BCKDHB: variants seen among roughly 807,000 people sequenced by gnomAD.
BCKDHB encodes branched chain keto acid dehydrogenase E1 subunit beta.
A neutral mutation model predicts 48.5 loss-of-function variants in BCKDHB; 41 were observed. That is an observed-to-expected ratio of 0.85 (90% CI 0.66 to 1.10). The LOEUF is 1.10. Ranked by LOEUF, BCKDHB falls within the 50% of genes least tolerant of loss-of-function variation. The pLI is 0.00. For missense variants in BCKDHB, 496 were observed against 494.2 expected, an observed-to-expected ratio of 1.00 and a Z score of -0.03; for synonymous variants, 201 against 174.8, an observed-to-expected ratio of 1.15 and a Z score of -1.18.
chr6:80,454,015 A>T, the BCKDHB span: 1 of 152,200 alleles, frequency 6.6e-6, no homozygotes, highest in African/African-American at 2.4e-5. Flanking sequence ...GAGCCCTGTG[A>T]CATGAGCATT....
At chr6:80,227,522 G>A (rs928245255) in intron 8 of BCKDHB, among the ~76,000 whole-genome samples, 1 of 152,142 alleles carries the variant, frequency 6.6e-6, no homozygotes, top group African/African-American at 2.4e-5. Flanking sequence ...TTGGGTTCCA[G>A]TTTACATAAA....
At chr6:80,365,675 G>C in the BCKDHB span, among the ~76,000 whole-genome samples, 2 of 152,142 alleles carry the variant, frequency 1.3e-5, no homozygotes, top group Admixed American at 6.5e-5. Flanking sequence ...CAATCAATTT[G>C]TACAGTTAAC....
intron 9 of BCKDHB, among the ~76,000 whole-genome samples, chr6:80,297,032 T>G (rs1185029389): frequency 1.3e-5 from 2 of 152,168 alleles, no homozygotes; most frequent in East Asian, 3.9e-4. Context: ...ATGAAAACCT[T>G]GGTAAGAGAT....
chr6:80,214,242 C>A (rs1313715658), intron 8 of BCKDHB, among the ~76,000 whole-genome samples: 1 of 152,138 alleles, frequency 6.6e-6, no homozygotes, highest in Admixed American at 6.5e-5. Context: ...TTTGCATTTG[C>A]ACCTGGGTGT....
chr6:80,384,486 G>A, the BCKDHB span, among the ~76,000 whole-genome samples: 7 of 152,154 alleles, frequency 4.6e-5, no homozygotes, highest in South Asian at 2.1e-4. Flanking sequence ...AGCCTCATGA[G>A]TAGGTGGGAC....
chr6:80,295,102 T>C (rs941454109), intron 9 of BCKDHB, among the ~76,000 whole-genome samples: 8 of 152,174 alleles, frequency 5.3e-5, no homozygotes, highest in African/African-American at 1.9e-4. Flanking sequence ...GTAAAATTCC[T>C]CTCTTTATAC....
At chr6:80,431,295 T>C in the BCKDHB span, among the ~76,000 whole-genome samples, 3 of 152,244 alleles carry the variant, frequency 2.0e-5, no homozygotes, top group Admixed American at 6.5e-5. Context: ...ATGTATATTC[T>C]GTTGATTTGG....
Position 80,343,568 on chromosome 6 carries a change from T to C in BCKDHB, c.1039-96T>C, listed in dbSNP as rs933160050. The C allele has an allele frequency of 4.2e-5, 56 of 1,342,460 alleles. 1 individual carries two copies. In the Admixed American group the frequency reaches 8.9e-4, roughly 21 times the overall value. The allele number at this position is 1,342,460 out of a possible 1,614,324, so 83.2% of individuals were successfully genotyped here. ...ATATTTTTAATGTCCTTAGATGCAA[T>C]TGTATTTTTAGTAAGTGAAATATTT... On this transcript the variant is annotated intron_variant, in intron 9 of 9. Coordinates refer to ENST00000320393, the MANE Select transcript of BCKDHB (RefSeq NM_183050.4).
intron 9 of BCKDHB, among the ~76,000 whole-genome samples, chr6:80,303,129 T>C (rs1767670386): frequency 6.6e-6 from 1 of 152,152 alleles, no homozygotes; most frequent in Admixed American, 6.5e-5. Flanking sequence ...TTCTTTTGTA[T>C]TGTATGGCTT....
intron 8 of BCKDHB, among the ~76,000 whole-genome samples, chr6:80,238,664 A>G (rs1244856685): frequency 6.6e-6 from 1 of 151,870 alleles, no homozygotes; most frequent in African/African-American, 2.4e-5. Flanking sequence ...AGTTTGTTAC[A>G]TATGTATACA....
chr6:80,345,081 G>C lies in BCKDHB; in HGVS notation c.*1277G>C, dbSNP rs896551634. On this transcript the variant is annotated 3_prime_UTR_variant, in exon 10 of 10. Transcript: ENST00000320393. ...TTTTTTACATAATGGATAATAAATGGTATTTATTCATCATGATTTTCTAAG... is the reference window on the plus strand; with the variant it reads ...TTTTTTACATAATGGATAATAAATGCTATTTATTCATCATGATTTTCTAAG... 22 of 152,078 alleles carry C rather than the reference G, an allele frequency of 1.4e-4. No homozygotes were observed. Among genetic ancestry groups the C allele is most frequent in the Admixed American group, 1.4e-3 (22 of 15,282 alleles). 9.4% of individuals were successfully genotyped at this position (152,078 alleles called of 1,614,324 possible).
chr6:80,200,063 CA>C (rs55737130), intron 6 of BCKDHB, among the ~76,000 whole-genome samples: 1,765 of 32,726 alleles, frequency 0.054, 7 homozygotes, highest in African/African-American at 0.11. Flanking sequence ...GACCCTGTCT[CA>C]AAAAAAAAAA....
At chr6:80,119,056 A>G (rs938628061) in intron 1 of BCKDHB, among the ~76,000 whole-genome samples, 2 of 152,086 alleles carry the variant, frequency 1.3e-5, no homozygotes, top group Non-Finnish European at 2.9e-5. Context: ...TTGGGAGGCC[A>G]AGGCTGGCGG....
chr6:80,107,514 CAT>C (rs71668410), intron 1 of BCKDHB, among the ~76,000 whole-genome samples: 1,674 of 24,174 alleles, frequency 0.069, 67 homozygotes, highest in African/African-American at 0.16. Context: ...TATATGTGCG[CAT>C]ATATATATAT....
At chr6:80,136,059 A>G (rs1188732346) in intron 3 of BCKDHB, among the ~76,000 whole-genome samples, 1 of 152,180 alleles carries the variant, frequency 6.6e-6, no homozygotes, top group Non-Finnish European at 1.5e-5. Flanking sequence ...TTGTTTATCC[A>G]TTCATTTGTT....
intron 9 of BCKDHB, among the ~76,000 whole-genome samples, chr6:80,309,770 C>A (rs1010206532): frequency 6.6e-6 from 1 of 151,992 alleles, no homozygotes; most frequent in Non-Finnish European, 1.5e-5. Context: ...GGTTGTGTGT[C>A]ACGGGGATTT....
chr6:80,220,993 A>G (rs1413502244), intron 8 of BCKDHB, among the ~76,000 whole-genome samples: 2 of 151,950 alleles, frequency 1.3e-5, no homozygotes, highest in African/African-American at 4.8e-5. Flanking sequence ...TTGGCCTCCC[A>G]AAGTGCTGGG....
the BCKDHB span, among the ~76,000 whole-genome samples, chr6:80,425,377 C>T: frequency 6.6e-6 from 1 of 152,168 alleles, no homozygotes; most frequent in African/African-American, 2.4e-5. Context: ...GTTACAGATG[C>T]AACCACCACA....
chr6:80,367,952 G>A, the BCKDHB span, among the ~76,000 whole-genome samples: 1 of 152,170 alleles, frequency 6.6e-6, no homozygotes. Flanking sequence ...TAAGACTGTG[G>A]CAATAGCATT....
Sources: allele counts gnomAD v4.1 joint callset (sites outside exome capture counted in the v4.1 genomes callset), GRCh38; gene constraint gnomAD v4.1.1; transcripts MANE v1.5; gene names NCBI Gene and HGNC (gene_info 2026-07-23, HGNC 2026-07-21).